Variants in DCDC1 observed in about 807,000 individuals in gnomAD.
DCDC1 encodes doublecortin domain containing 1.
In DCDC1, 200 loss-of-function variants were observed where a neutral mutation model predicts 178.3. The observed-to-expected ratio is 1.12, with a 90% CI of 1.00 to 1.26. The LOEUF (loss-of-function observed/expected upper bound fraction) is 1.26, where lower values mean the gene tolerates loss of function less well. Ranked by LOEUF, DCDC1 falls within the 50% of genes most tolerant of loss-of-function variation. The pLI is 0.00. For missense variants in DCDC1, 1,983 were observed against 1,749.2 expected (o/e 1.13, Z -2.38); for synonymous variants, 690 against 604.8 (o/e 1.14, Z -2.07).
At chr11:31,304,603 A>G (rs1474753065) in intron 6 of DCDC1, among the ~76,000 whole-genome samples, 1 of 152,144 alleles carries the variant, frequency 6.6e-6, no homozygotes, top group East Asian at 1.9e-4. Flanking sequence ...ATAAAAGAGA[A>G]ATCCTAGCAC....
At chr11:30,984,793 T>C (rs1179489324) in intron 20 of DCDC1, among the ~76,000 whole-genome samples, 5 of 152,086 alleles carry the variant, frequency 3.3e-5, no homozygotes, top group South Asian at 2.1e-4. Context: ...TAGAAGTAAA[T>C]TGGCACCTCC....
chr11:31,032,169 G>T (rs962726183), intron 20 of DCDC1, among the ~76,000 whole-genome samples: 8 of 152,098 alleles, frequency 5.3e-5, no homozygotes, highest in African/African-American at 1.9e-4. Context: ...TCAAATAAAT[G>T]AGAGGCCCAC....
chr11:31,062,936 T>A lies in DCDC1; in HGVS notation c.2591+1533A>T, dbSNP rs1442370553. Among the ~76,000 whole-genome samples the A allele has an allele frequency of 3.3e-5, 4 of 122,828 alleles. No individual in the cohort carries two copies. In the South Asian group the frequency reaches 9.7e-4, roughly 30 times the overall value. 80.6% of individuals were successfully genotyped at this position (122,828 alleles called of 152,430 possible). ...GCATTAGGTATATCTCCTAATGTTA[T>A]CCCTCCCCCCTCCCCCCACCCCACA... On this transcript the variant is annotated intron_variant, in intron 20 of 38. Coordinates refer to ENST00000684477, the MANE Select transcript of DCDC1 (RefSeq NM_001387274.1).
At chr11:30,868,900 G>A (rs1941276667) in intron 38 of DCDC1, among the ~76,000 whole-genome samples, 1 of 152,208 alleles carries the variant, frequency 6.6e-6, no homozygotes, top group African/African-American at 2.4e-5. Context: ...AGAATTCTGG[G>A]TGCTCTGTGG....
intron 20 of DCDC1, among the ~76,000 whole-genome samples, chr11:30,997,893 G>A (rs1038504395): frequency 6.6e-6 from 1 of 152,070 alleles, no homozygotes; most frequent in South Asian, 2.1e-4. Context: ...CTCCAATAAG[G>A]AGATTAAGAC....
intron 20 of DCDC1, among the ~76,000 whole-genome samples, chr11:30,980,158 A>C (rs111349098): frequency 1.1e-3 from 163 of 152,318 alleles, no homozygotes; most frequent in African/African-American, 3.7e-3. Flanking sequence ...GTTTCAGTAC[A>C]TCCCCAGTGC....
chr11:31,205,291 A>T (rs1477418879), intron 9 of DCDC1, among the ~76,000 whole-genome samples: 1 of 152,220 alleles, frequency 6.6e-6, no homozygotes, highest in Non-Finnish European at 1.5e-5. Flanking sequence ...GTTGAAACAG[A>T]GGCTGTATGG....
intron 9 of DCDC1, among the ~76,000 whole-genome samples, chr11:31,191,941 C>G (rs959751463): frequency 4.6e-5 from 7 of 152,030 alleles, no homozygotes; most frequent in African/African-American, 1.7e-4. Flanking sequence ...TTTTAAACTT[C>G]ATTGTATCTC....
intron 20 of DCDC1, among the ~76,000 whole-genome samples, chr11:30,974,089 T>C (rs984717173): frequency 6.6e-6 from 1 of 152,032 alleles, no homozygotes; most frequent in Non-Finnish European, 1.5e-5. Flanking sequence ...CAAGAGGAAC[T>C]TTTGAAACTA....
At chr11:31,363,047 T>C (rs1408491027) in intron 1 of DCDC1, among the ~76,000 whole-genome samples, 2 of 152,194 alleles carry the variant, frequency 1.3e-5, no homozygotes, top group Non-Finnish European at 2.9e-5. Flanking sequence ...ATTTAAACTG[T>C]TGAAGTTGTA....
chr11:30,901,464 C>T lies in DCDC1; in HGVS notation c.4511-966G>A, dbSNP rs992937308. ...GCCATCTTCCAGTGAAGCCTGTGCT[C>T]TTAATGACTGCCTGCATAGTAAGCA... On this transcript the variant is annotated intron_variant, in intron 32 of 38. Coordinates refer to ENST00000684477, the MANE Select transcript of DCDC1 (RefSeq NM_001387274.1). Among the ~76,000 whole-genome samples the T allele has an allele frequency of 3.9e-5, 6 of 152,152 alleles. No homozygotes were observed. In the East Asian group the frequency reaches 7.7e-4, roughly 20 times the overall value.
In DCDC1 at chr11:31,110,954, T is replaced by C. The variant is rs574957376; in HGVS notation, c.1486-593A>G. ...GAGAACAGAGATAAAATTCATAACA[T>C]TGCATTATGTAACACTCGCTGGGGA... On this transcript the variant is annotated intron_variant, in intron 11 of 38. Transcript: ENST00000684477. Among the ~76,000 whole-genome samples the C allele has an allele frequency of 2.8e-5, 4 of 144,698 alleles. No individual in the cohort carries two copies. The South Asian group carries it at 6.9e-4, about 25-fold the overall frequency. The allele number at this position is 144,698 out of a possible 152,430, so 94.9% of individuals were successfully genotyped here. A position where few individuals can be genotyped will look rare whatever the true frequency, so the allele number is the denominator to read the frequency against.
chr11:30,949,070 C>G (rs1307877190), intron 21 of DCDC1, among the ~76,000 whole-genome samples: 12 of 152,126 alleles, frequency 7.9e-5, no homozygotes, highest in Non-Finnish European at 1.6e-4. Context: ...AAAAGGCAAC[C>G]TACAGAATGG....
intron 18 of DCDC1, among the ~76,000 whole-genome samples, chr11:31,067,862 C>T (rs1043888914): frequency 1.3e-5 from 2 of 151,900 alleles, no homozygotes; most frequent in South Asian, 2.1e-4. Context: ...GCTGGGGAGG[C>T]GGGCAGACAG....
intron 21 of DCDC1, among the ~76,000 whole-genome samples, chr11:30,948,803 T>G (rs1015360244): frequency 6.6e-6 from 1 of 152,120 alleles, no homozygotes; most frequent in South Asian, 2.1e-4. Flanking sequence ...GCTAGCAATA[T>G]GCAGAAAATT....
At chr11:30,880,606 C>A (rs576939044) in intron 37 of DCDC1, among the ~76,000 whole-genome samples, 1 of 152,088 alleles carries the variant, frequency 6.6e-6, no homozygotes, top group South Asian at 2.1e-4. Flanking sequence ...TAATATATAC[C>A]TACCTACAAA....
At chr11:30,956,745 T>C (rs1368636347) in intron 20 of DCDC1, among the ~76,000 whole-genome samples, 1 of 152,180 alleles carries the variant, frequency 6.6e-6, no homozygotes, top group Non-Finnish European at 1.5e-5. Flanking sequence ...AAGAAGTCAT[T>C]AAAATATATT....
chr11:31,240,464 A>T (rs1370402616), intron 9 of DCDC1, among the ~76,000 whole-genome samples: 1 of 152,034 alleles, frequency 6.6e-6, no homozygotes, highest in Admixed American at 6.6e-5. Context: ...ACTTTATTCC[A>T]AAGTCAATAC....
intron 8 of DCDC1, among the ~76,000 whole-genome samples, chr11:31,243,711 T>C (rs1977468620): frequency 6.6e-6 from 1 of 151,832 alleles, no homozygotes; most frequent in Non-Finnish European, 1.5e-5. Flanking sequence ...TCAGAATTGC[T>C]ACTGGATGGA....
Sources: allele counts gnomAD v4.1 joint callset (sites outside exome capture counted in the v4.1 genomes callset), GRCh38; gene constraint gnomAD v4.1.1; transcripts MANE v1.5; gene names NCBI Gene and HGNC (gene_info 2026-07-23, HGNC 2026-07-21).